The following PKIB variants were observed in gnomAD, a reference collection of about 807,000 sequenced individuals.
The protein encoded by PKIB is PKI-beta.
In PKIB, 2 loss-of-function variants were observed where a neutral mutation model predicts 4.5. The observed-to-expected ratio is 0.44, with a 90% CI of 0.18 to 1.39. PKIB has a LOEUF of 1.39. PKIB is among the 40% of genes most tolerant of loss of function. The pLI, the probability that PKIB is intolerant of heterozygous loss-of-function variation, is 0.27. For missense variants in PKIB, 94 were observed against 92.6 expected, an observed-to-expected ratio of 1.02 and a Z score of -0.06; for synonymous variants, 38 against 36.0, an observed-to-expected ratio of 1.06 and a Z score of -0.20.
At chr6:122,508,911 C>T (rs1486467679) in intron 2 of PKIB, among the ~76,000 whole-genome samples, 2 of 152,054 alleles carry the variant, frequency 1.3e-5, no homozygotes, top group Middle Eastern at 3.2e-3. Flanking sequence ...CCACCATGCC[C>T]AGCTAATTTT....
intron 3 of PKIB, among the ~76,000 whole-genome samples, chr6:122,598,620 T>C (rs1774249622): frequency 6.6e-6 from 1 of 152,160 alleles, no homozygotes; most frequent in African/African-American, 2.4e-5. Flanking sequence ...ATCTTCTGTC[T>C]GAACCCTCCC....
chr6:122,602,294 T>G (rs1482509849), intron 3 of PKIB, among the ~76,000 whole-genome samples: 1 of 152,160 alleles, frequency 6.6e-6, no homozygotes, highest in Non-Finnish European at 1.5e-5. Context: ...CACTTAGGAC[T>G]CATAGAAGAA....
chr6:122,622,102 C>T (rs536386151), intron 1 of PKIB, among the ~76,000 whole-genome samples: 3 of 151,874 alleles, frequency 2.0e-5, no homozygotes, highest in East Asian at 3.9e-4. Flanking sequence ...AATTGAAGGC[C>T]CTTCCTAGAA....
chr6:122,482,898 ATCC>A (rs1775665159), intron 2 of PKIB: 6 of 152,056 alleles, frequency 3.9e-5, no homozygotes, highest in Non-Finnish European at 7.4e-5. Flanking sequence ...CTCTGGGGAA[ATCC>A]CTACCCCGCT....
intron 2 of PKIB, among the ~76,000 whole-genome samples, chr6:122,654,019 A>G (rs1255891146): frequency 6.6e-6 from 1 of 152,144 alleles, no homozygotes; most frequent in African/African-American, 2.4e-5. Context: ...TCCCTCTTTC[A>G]CTGGCTGCCT....
intron 3 of PKIB, among the ~76,000 whole-genome samples, chr6:122,702,048 TA>T (rs1352201312): frequency 1.5e-5 from 2 of 137,922 alleles, no homozygotes; most frequent in Non-Finnish European, 3.0e-5. Flanking sequence ...GACAAAACCC[TA>T]ACCTCCAAGG....
intron 3 of PKIB, among the ~76,000 whole-genome samples, chr6:122,600,815 T>C (rs1374746038): frequency 6.6e-6 from 1 of 152,000 alleles, no homozygotes; most frequent in Admixed American, 6.6e-5. Flanking sequence ...GCAGGAAATA[T>C]GACCCATAAT....
chr6:122,629,320 A>G (rs1775592662), intron 1 of PKIB, among the ~76,000 whole-genome samples: 1 of 152,188 alleles, frequency 6.6e-6, no homozygotes, highest in South Asian at 2.1e-4. Flanking sequence ...GCTAATGATG[A>G]CCCAATCTGG....
chr6:122,605,773 C>A (rs918848537), upstream of PKIB, among the ~76,000 whole-genome samples: 1 of 152,146 alleles, frequency 6.6e-6, no homozygotes, highest in African/African-American at 2.4e-5. Flanking sequence ...GTCCCCAAGG[C>A]AGATAGCTAC....
chr6:122,501,713 G>A (rs1776242789), intron 2 of PKIB, among the ~76,000 whole-genome samples: 1 of 152,128 alleles, frequency 6.6e-6, no homozygotes, highest in Non-Finnish European at 1.5e-5. Context: ...GGGCTACCAG[G>A]AACGTCTCTG....
chr6:122,686,974 G>T (rs888134465), intron 3 of PKIB, among the ~76,000 whole-genome samples: 1 of 152,090 alleles, frequency 6.6e-6, no homozygotes, highest in African/African-American at 2.4e-5. Flanking sequence ...AACCTGATGT[G>T]ATCCCATCTG....
chr6:122,569,537 A>G (rs556675278), intron 2 of PKIB, among the ~76,000 whole-genome samples: 215 of 152,238 alleles, frequency 1.4e-3, no homozygotes, highest in African/African-American at 5.0e-3. Flanking sequence ...GAAAGCCAGC[A>G]CACTAAGCCT....
rs1774705314 is a variant in PKIB at position 122,610,503 on chromosome 6, G to A, written c.-193G>A. The A allele has an allele frequency of 2.0e-5, 3 of 152,574 alleles. No homozygotes were observed. Among genetic ancestry groups the A allele is most frequent in the African/African-American group, 7.2e-5 (3 of 41,484 alleles). 9.5% of individuals were successfully genotyped at this position (152,574 alleles called of 1,614,324 possible). On this transcript the variant is annotated 5_prime_UTR_variant, in exon 1 of 5. Coordinates refer to ENST00000368452, the MANE Select transcript of PKIB (RefSeq NM_181795.3). Reference sequence around the variant, plus strand: ...AGCGCTGGGCGAGCGCGAGCGCCAGGGCACCGGCAGGGCAGGCAGCTGCGC... The same window carrying A: ...AGCGCTGGGCGAGCGCGAGCGCCAGAGCACCGGCAGGGCAGGCAGCTGCGC...
intron 2 of PKIB, among the ~76,000 whole-genome samples, chr6:122,670,086 C>T (rs571392320): frequency 2.0e-5 from 3 of 151,530 alleles, no homozygotes; most frequent in East Asian, 1.9e-4. Flanking sequence ...AAGCATGACT[C>T]GCAGCAACAG....
intron 2 of PKIB, among the ~76,000 whole-genome samples, chr6:122,559,286 A>G (rs892557912): frequency 2.0e-5 from 3 of 151,190 alleles, no homozygotes; most frequent in South Asian, 2.1e-4. Flanking sequence ...ATAATTATAT[A>G]TATAATATAT....
chr6:122,549,016 A>G (rs1045046543), intron 2 of PKIB, among the ~76,000 whole-genome samples: 2 of 152,202 alleles, frequency 1.3e-5, no homozygotes, highest in Admixed American at 1.3e-4. Flanking sequence ...ACTTTCCTTG[A>G]CTACAACCCA....
intron 2 of PKIB, among the ~76,000 whole-genome samples, chr6:122,641,780 G>T (rs999498398): frequency 1.3e-5 from 2 of 152,174 alleles, no homozygotes; most frequent in African/African-American, 4.8e-5. Context: ...TGCAACCTCT[G>T]CCTCCTGGGT....
chr6:122,543,212 T>C (rs1402510667), intron 2 of PKIB, among the ~76,000 whole-genome samples: 10 of 152,024 alleles, frequency 6.6e-5, no homozygotes, highest in Non-Finnish European at 1.5e-5. Flanking sequence ...CATGGTGTGC[T>C]GCACCCACTG....
chr6:122,576,689 A>AAAATATATATATATATATATAT (rs1345822382), intron 2 of PKIB, among the ~76,000 whole-genome samples: 1 of 34,314 alleles, frequency 2.9e-5, no homozygotes, highest in Non-Finnish European at 4.7e-5. Flanking sequence ...AAAAAAAAAA[A>AAAATATATATATATATATATAT]ATATATATAT....
Sources: allele counts gnomAD v4.1 joint callset (sites outside exome capture counted in the v4.1 genomes callset), GRCh38; gene constraint gnomAD v4.1.1; transcripts MANE v1.5; gene names NCBI Gene and HGNC (gene_info 2026-07-23, HGNC 2026-07-21).